WDFY3: variants seen among roughly 807,000 people sequenced by gnomAD.
WDFY3 encodes WD repeat and FYVE domain containing 3.
WDFY3 carries 66 observed loss-of-function variants against 409.6 expected under a neutral mutation model. The observed-to-expected ratio is 0.16, with a 90% CI of 0.13 to 0.20. The LOEUF (loss-of-function observed/expected upper bound fraction) is 0.20. Among genes scored for constraint, WDFY3 ranks in the 10% least tolerant of loss-of-function variants. The pLI is 1.00. For synonymous variants in WDFY3, 1,521 were observed against 1,537.1 expected, an observed-to-expected ratio of 0.99 and a Z score of 0.25; for missense variants, 3,031 against 4,298.1, an observed-to-expected ratio of 0.71 and a Z score of 8.24.
At chr4:84,946,815 T>G (rs1426141245) in intron 1 of WDFY3, among the ~76,000 whole-genome samples, 3 of 150,886 alleles carry the variant, frequency 2.0e-5, no homozygotes, top group Non-Finnish European at 4.4e-5. Context: ...CATTTTTTGT[T>G]TTTTTTTTTG....
intron 4 of WDFY3, among the ~76,000 whole-genome samples, chr4:84,850,891 T>C (rs930015510): frequency 2.7e-5 from 4 of 147,696 alleles, no homozygotes; most frequent in Non-Finnish European, 6.0e-5. Flanking sequence ...AAATGAGCTT[T>C]AGAATAAATA....
chr4:84,719,305 TC>T (rs1159096605), intron 47 of WDFY3, among the ~76,000 whole-genome samples: 3 of 152,226 alleles, frequency 2.0e-5, no homozygotes, highest in Non-Finnish European at 4.4e-5. Context: ...AGTTGTATTT[TC>T]CTCATAGGAA....
In WDFY3 at chr4:84,679,027, T is replaced by C. The variant is rs1441410942; in HGVS notation, c.10039A>G (p.Ile3347Val). 6.2e-7 allele frequency: 1 copy of C among 1,614,206 alleles called. No homozygotes were observed. Residue 3347 changes from isoleucine (I) to valine (V), a missense_variant, in exon 65 of 68, where the codon ATA becomes GTA. Transcript: ENST00000295888. ...QLSLDEKDGF[I>V]FVNYSEGQTR... is the part of the protein sequence containing the mutation. ...TGGCCCTCTGAATAGTTCACAAATA[T>C]GAAGCCGTCTTTCTCATCTAGACTG...
At chr4:84,875,266 AC>A (rs1762627349) in intron 3 of WDFY3, among the ~76,000 whole-genome samples, 1 of 64,592 alleles carries the variant, frequency 1.5e-5, no homozygotes, top group Non-Finnish European at 3.9e-5. Context: ...AGACTCAAAC[AC>A]ACACACACAC....
At chr4:84,759,988 A>C (rs932431715) in intron 32 of WDFY3, among the ~76,000 whole-genome samples, 31 of 152,044 alleles carry the variant, frequency 2.0e-4, no homozygotes, top group African/African-American at 4.6e-4. Flanking sequence ...ATCAACACCT[A>C]ATTTATTGAG....
chr4:84,829,423 A>G (rs1313227416), intron 8 of WDFY3, among the ~76,000 whole-genome samples: 1 of 152,186 alleles, frequency 6.6e-6, no homozygotes, highest in Non-Finnish European at 1.5e-5. Flanking sequence ...AATAGTTGAC[A>G]TGTATGTACC....
At chr4:84,760,916 C>A (rs1742458433) in intron 32 of WDFY3, among the ~76,000 whole-genome samples, 1 of 145,248 alleles carries the variant, frequency 6.9e-6, no homozygotes. Context: ...AATTTTGGAT[C>A]TTTCCTGCTT....
At chr4:84,798,528 G>GA (rs2149612688) in intron 17 of WDFY3, among the ~76,000 whole-genome samples, 1 of 152,158 alleles carries the variant, frequency 6.6e-6, no homozygotes, top group African/African-American at 2.4e-5. Flanking sequence ...TATTTAAGAA[G>GA]AACCCCAACT....
At chr4:84,761,368 T>G (rs1742561896) in intron 32 of WDFY3, among the ~76,000 whole-genome samples, 1 of 152,290 alleles carries the variant, frequency 6.6e-6, no homozygotes, top group East Asian at 1.9e-4. Context: ...CCTTGTTGAC[T>G]TCCTGTCTCC....
intron 1 of WDFY3, among the ~76,000 whole-genome samples, chr4:84,935,193 T>C (rs1355008370): frequency 2.0e-5 from 3 of 152,226 alleles, no homozygotes; most frequent in East Asian, 1.9e-4. Flanking sequence ...AGTTCTGACA[T>C]GTGTCATGTT....
At chr4:84,832,417 A>C (rs1476433858) in intron 7 of WDFY3, among the ~76,000 whole-genome samples, 1 of 152,150 alleles carries the variant, frequency 6.6e-6, no homozygotes, top group Non-Finnish European at 1.5e-5. Context: ...GTTCTATAGC[A>C]CTATAGAGTG....
intron 50 of WDFY3, among the ~76,000 whole-genome samples, chr4:84,713,619 A>G (rs1733316130): frequency 6.6e-6 from 1 of 152,134 alleles, no homozygotes; most frequent in African/African-American, 2.4e-5. Flanking sequence ...ATGAGAAGCA[A>G]TGTTGGATGG....
intron 1 of WDFY3, among the ~76,000 whole-genome samples, chr4:84,964,477 G>GAAAT (rs1365682972): frequency 2.0e-5 from 3 of 152,018 alleles, no homozygotes; most frequent in African/African-American, 7.2e-5. Context: ...TCTAAAAAAA[G>GAAAT]AAATAAATAA....
intron 3 of WDFY3, among the ~76,000 whole-genome samples, chr4:84,862,237 G>A (rs566275615): frequency 2.6e-5 from 4 of 152,258 alleles, no homozygotes; most frequent in Admixed American, 1.3e-4. Context: ...AGGTGAAGAG[G>A]AGTCAGACAA....
chr4:84,699,723 A>C (rs1730771077), intron 56 of WDFY3, among the ~76,000 whole-genome samples: 1 of 151,936 alleles, frequency 6.6e-6, no homozygotes, highest in Admixed American at 6.6e-5. Flanking sequence ...GTTGTTTTTC[A>C]GTTCCCCCCA....
At chr4:84,752,998 A>C (rs1488569446) in intron 35 of WDFY3, among the ~76,000 whole-genome samples, 1 of 152,228 alleles carries the variant, frequency 6.6e-6, no homozygotes, top group Non-Finnish European at 1.5e-5. Flanking sequence ...CTGAACTATT[A>C]GTTACTGTAA....
chr4:84,742,340 A>C (rs1738581105), intron 37 of WDFY3, among the ~76,000 whole-genome samples: 1 of 152,220 alleles, frequency 6.6e-6, no homozygotes, highest in African/African-American at 2.4e-5. Flanking sequence ...CAGTGAAGTA[A>C]CACAGACAGA....
rs577501456 is a variant in WDFY3, at chr4:84,728,994, C to T, written c.7222-2083G>A. On this transcript the variant is annotated intron_variant, in intron 44 of 67. Coordinates refer to ENST00000295888, the MANE Select transcript of WDFY3 (RefSeq NM_014991.6). ...AATGAGCTGCTTAGTTTCTGTGAGT[C>T]TTGTGACATTTATACATTATATAAA... Among the ~76,000 whole-genome samples, 195 of 152,106 alleles carry T rather than the reference C, an allele frequency of 1.3e-3. 2 individuals are homozygous for T. The highest frequency in any genetic ancestry group is 7.1e-3 in the East Asian group (37 of 5,178).
rs201912601 is a variant in WDFY3, at chr4:84,705,570, G to A, written c.8218-59C>T. 1.7e-4 allele frequency: 220 copies of A among 1,299,620 alleles called. No homozygotes were observed. In the African/African-American group the frequency reaches 2.7e-3, roughly 16 times the overall value. The allele number at this position is 1,299,620 out of a possible 1,614,324, so 80.5% of individuals were successfully genotyped here. On this transcript the variant is annotated intron_variant, in intron 53 of 67. Transcript: ENST00000295888. Reference sequence around the variant, plus strand: ...CTATACACTATCTAGCCTCACTAACGTAGATACAGTGGCTGTTGTGGATGA... The same window carrying A: ...CTATACACTATCTAGCCTCACTAACATAGATACAGTGGCTGTTGTGGATGA...
Sources: allele counts gnomAD v4.1 joint callset (sites outside exome capture counted in the v4.1 genomes callset), GRCh38; gene constraint gnomAD v4.1.1; transcripts MANE v1.5; gene names NCBI Gene and HGNC (gene_info 2026-07-23, HGNC 2026-07-21).